The following ERP44 variants were observed in gnomAD, a reference collection of about 807,000 sequenced individuals.
ERP44 encodes endoplasmic reticulum resident protein 44.
ERP44 carries 25 observed loss-of-function variants against 53.4 expected under a neutral mutation model. The observed-to-expected ratio is 0.47, with a 90% confidence interval of 0.34 to 0.65. The LOEUF (loss-of-function observed/expected upper bound fraction) is 0.65, where lower values mean the gene tolerates loss of function less well. Ranked by LOEUF, ERP44 falls within the 30% of genes least tolerant of loss-of-function variation. ERP44 has a pLI of 0.01. For missense variants in ERP44, 338 were observed against 493.2 expected (o/e 0.69, Z 2.98); for synonymous variants, 145 against 161.2 (o/e 0.90, Z 0.76).
intron 4 of ERP44, among the ~76,000 whole-genome samples, chr9:100,030,044 T>C (rs992313159): frequency 6.6e-6 from 1 of 152,200 alleles, no homozygotes; most frequent in South Asian, 2.1e-4. Context: ...GCCGAGATCA[T>C]GCCACTGCAC....
At chr9:100,085,071 T>G (rs759984780) in intron 1 of ERP44, among the ~76,000 whole-genome samples, 86 of 152,248 alleles carry the variant, frequency 5.6e-4, no homozygotes, top group Non-Finnish European at 1.1e-3. Context: ...CTTCTCAGAA[T>G]TAAAAGCTAT....
intron 1 of ERP44, among the ~76,000 whole-genome samples, chr9:100,083,414 A>G (rs1260084104): frequency 6.6e-6 from 1 of 152,190 alleles, no homozygotes; most frequent in East Asian, 1.9e-4. Context: ...TATAAAATAG[A>G]CCACTGAAAG....
intron 4 of ERP44, 130 bp from the exon 5 acceptor site, chr9:100,022,356 G>A: frequency 1.7e-6 from 1 of 605,296 alleles, no homozygotes. Flanking sequence ...CAGTGAGAGA[G>A]AAAAAAATAA....
chr9:99,992,200 C>A (rs1380877176), intron 10 of ERP44, among the ~76,000 whole-genome samples: 1 of 152,116 alleles, frequency 6.6e-6, no homozygotes, highest in East Asian at 1.9e-4. Context: ...CAAAGCCTGG[C>A]AGAGACACAA....
intron 8 of ERP44, among the ~76,000 whole-genome samples, chr9:100,012,724 T>G (rs941492747): frequency 1.3e-5 from 2 of 152,140 alleles, no homozygotes. Context: ...AAAAAGTCTT[T>G]TAAAGAGTTT....
chr9:100,069,300 G>GA (rs903806706), intron 1 of ERP44, among the ~76,000 whole-genome samples: 1 of 146,440 alleles, frequency 6.8e-6, no homozygotes, highest in Middle Eastern at 3.6e-3. Context: ...AAAAAAAAAA[G>GA]AAAAAAACCA....
chr9:99,994,246 CCAAA>C (rs981903052), intron 10 of ERP44, among the ~76,000 whole-genome samples: 2 of 152,124 alleles, frequency 1.3e-5, no homozygotes, highest in Non-Finnish European at 2.9e-5. Context: ...AGACTTGGAA[CCAAA>C]CAAAGTGTCC....
intron 1 of ERP44, among the ~76,000 whole-genome samples, chr9:100,080,560 A>G (rs1414799201): frequency 6.6e-6 from 1 of 152,136 alleles, no homozygotes; most frequent in Non-Finnish European, 1.5e-5. Flanking sequence ...ATGATCTAGT[A>G]TAAAAAGTAC....
intron 6 of ERP44, among the ~76,000 whole-genome samples, chr9:100,020,234 A>G (rs1830573189): frequency 6.6e-6 from 1 of 152,234 alleles, no homozygotes; most frequent in Non-Finnish European, 1.5e-5. Flanking sequence ...AGAGATGGAG[A>G]TGAATGAAGA....
chr9:100,060,312 G>C, intron 1 of ERP44, 140 bp from the exon 2 acceptor site: 1 of 993,606 alleles, frequency 1.0e-6, no homozygotes. Context: ...TTATTATCTA[G>C]TCTAATCTTT....
At position 100,068,616 on chromosome 9, in the gene ERP44, T is replaced by C. The variant is rs1336642969; in HGVS notation, c.58-8444A>G. 2.9e-5 allele frequency among the ~76,000 whole-genome samples: 3 copies of C among 103,726 alleles called. No individual in the cohort carries two copies. In the East Asian group the frequency reaches 9.5e-4, roughly 33 times the overall value. 68.0% of individuals were successfully genotyped at this position (103,726 alleles called of 152,430 possible). On this transcript the variant is annotated intron_variant, in intron 1 of 11. Coordinates refer to ENST00000262455, the MANE Select transcript of ERP44 (RefSeq NM_015051.3). ...CCGGCTGCCCCGTCCGGGAGGGAGG[T>C]GGGGGGGTCAGCCCCCCACCCGGCC... is the stretch of plus-strand genomic sequence containing the variant.
At chr9:100,036,535 T>A (rs2118680519) in intron 4 of ERP44, among the ~76,000 whole-genome samples, 1 of 152,274 alleles carries the variant, frequency 6.6e-6, no homozygotes. Context: ...AAAAGCTACC[T>A]ATTGGGTACT....
intron 10 of ERP44, among the ~76,000 whole-genome samples, chr9:99,990,841 C>CA (rs888832176): frequency 2.3e-4 from 35 of 149,246 alleles, no homozygotes; most frequent in South Asian, 8.5e-4. Flanking sequence ...AAATGGAAAG[C>CA]AAAAAAAAAG....
intron 1 of ERP44, among the ~76,000 whole-genome samples, chr9:100,084,969 G>A (rs1826465056): frequency 6.6e-6 from 1 of 152,178 alleles, no homozygotes; most frequent in Non-Finnish European, 1.5e-5. Context: ...AACTAATTCA[G>A]TCATACTAGC....
At chr9:100,066,413 C>T (rs1459345255) in intron 1 of ERP44, among the ~76,000 whole-genome samples, 1 of 152,176 alleles carries the variant, frequency 6.6e-6, no homozygotes, top group Non-Finnish European at 1.5e-5. Flanking sequence ...ATAGAAGCTT[C>T]AATAAGGGAT....
chr9:100,007,645 C>A lies in ERP44; in HGVS notation c.807G>T (p.Met269Ile). 1 of 1,605,264 alleles carries A rather than the reference C, an allele frequency of 6.2e-7. No homozygotes were observed. Among genetic ancestry groups the A allele is most frequent in the Non-Finnish European group, 8.5e-7 (1 of 1,172,000 alleles). ...TTTCTAAACTTTCTGTATCTTCTTT[C>A]ATGTGAAAGAGTATGAGAAAAGGCA... is the stretch of plus-strand genomic sequence containing the variant. ...EGLPFLILFH[M>I]KEDTESLEIF... The change falls in exon 9 of 12, where the codon ATG (methionine) becomes ATT (isoleucine). Residue 269 changes from methionine (M) to isoleucine (I), a missense_variant. Coordinates refer to ENST00000262455, the MANE Select transcript of ERP44 (RefSeq NM_015051.3).
Position 99,993,314 on chromosome 9 carries a change from A to G in ERP44, c.1017-8245T>C, listed in dbSNP as rs527859961. 5.2e-3 allele frequency among the ~76,000 whole-genome samples: 791 copies of G among 152,308 alleles called. 2 individuals carry two copies. The highest frequency in any genetic ancestry group is 8.9e-3 in the Non-Finnish European group (608 of 68,018). ...GCATGGTACTGGTACCAAAACAGAG[A>G]GATAGACCAATGGAACAGAACAGAG... On this transcript the variant is annotated intron_variant, in intron 10 of 11. Transcript: ENST00000262455.
At chr9:100,015,889 T>C (rs532550466) in intron 8 of ERP44, among the ~76,000 whole-genome samples, 56 of 152,224 alleles carry the variant, frequency 3.7e-4, no homozygotes, top group African/African-American at 1.3e-3. Flanking sequence ...GACAATCTAA[T>C]GCTGCCACTG....
chr9:100,046,164 G>GA (rs1216789732), intron 4 of ERP44, among the ~76,000 whole-genome samples: 2 of 150,994 alleles, frequency 1.3e-5, no homozygotes, highest in Non-Finnish European at 3.0e-5. Flanking sequence ...CAAAACATGA[G>GA]AAAAAAAATA....
Sources: gnomAD v4.1 joint callset for allele counts (sites outside exome capture counted in the v4.1 genomes callset) on GRCh38, gnomAD v4.1.1 for gene constraint, MANE v1.5 for transcripts, NCBI Gene and HGNC (gene_info 2026-07-23, HGNC 2026-07-21) for gene names.